The following HMCN1 variants were observed in gnomAD, a reference collection of about 807,000 sequenced individuals.
HMCN1 encodes the protein hemicentin 1.
Under a neutral mutation model 625.9 loss-of-function variants are expected in HMCN1, and 321 were observed. The ratio of observed to expected loss-of-function variants is 0.51; its 90% confidence interval spans 0.47 to 0.56. The LOEUF (loss-of-function observed/expected upper bound fraction) is 0.56. HMCN1 is among the 20% of genes least tolerant of loss of function. HMCN1 has a pLI of 0.00. For synonymous variants in HMCN1, 2,425 were observed against 2,417.6 expected (o/e 1.00, Z -0.09); for missense variants, 6,588 against 6,887.3 (o/e 0.96, Z 1.54).
chr1:186,093,678 T>C lies in HMCN1; in HGVS notation c.10196+9T>C. 1 of 1,613,102 alleles carries C rather than the reference T, an allele frequency of 6.2e-7. No homozygotes were observed. The highest frequency in any genetic ancestry group is 8.5e-7 in the Non-Finnish European group (1 of 1,179,374). On this transcript the variant is annotated intron_variant, in intron 66 of 106. Transcript: ENST00000271588. The stretch of plus-strand genomic sequence containing the variant: ...GCAGGACAAGTTATCAGGTCAGCTT[T>C]TATTGTGTCTGATTTCCTAAACAGA...
chr1:185,923,086 G>A (rs1040159267), intron 7 of HMCN1, among the ~76,000 whole-genome samples: 5 of 151,940 alleles, frequency 3.3e-5, no homozygotes, highest in Admixed American at 3.3e-4. Context: ...TGCATTTTCT[G>A]GAAAGATACA....
In HMCN1 at chr1:186,016,140, G is replaced by C. The variant is rs764296799; in HGVS notation, c.5092G>C (p.Glu1698Gln). The change falls in exon 32 of 107, where the codon GAA (glutamate) becomes CAA (glutamine). Residue 1698 changes from glutamate to glutamine, a missense_variant. Physicochemically the swap from Glu to Gln is conservative, Grantham distance 29. Around this residue, in one of 3 missense-constraint regions of HMCN1, gnomAD observed 4,628 missense variants for 4,853.1 expected, o/e 0.95. Coordinates refer to ENST00000271588, the MANE Select transcript of HMCN1 (RefSeq NM_031935.3). ...CATAGAAGCTGGTGGGAAGAAACTC[G>C]AAATCATGAGTGCCCAAGAAATTGA... ...IRIEAGGKKL[E>Q]IMSAQEIDRG... The C allele has an allele frequency of 1.9e-6, 3 of 1,613,402 alleles. No homozygotes were observed. Among genetic ancestry groups the C allele is most frequent in the Non-Finnish European group, 2.5e-6 (3 of 1,179,548 alleles).
intron 10 of HMCN1, 91 bp from the exon 11 acceptor site, chr1:185,933,458 C>A: frequency 1.6e-6 from 2 of 1,236,948 alleles, no homozygotes; most frequent in Non-Finnish European, 2.4e-6. Context: ...ACTGGATGTT[C>A]AGTACATACT....
At position 186,125,565 on chromosome 1, in the gene HMCN1, C is replaced by T. The variant is rs377662111; in HGVS notation, c.12500-39C>T. The T allele has an allele frequency of 8.0e-6, 12 of 1,498,676 alleles. No homozygotes were observed. The African/African-American group carries it at 9.7e-5, about 12-fold the overall frequency. 92.8% of individuals were successfully genotyped at this position (1,498,676 alleles called of 1,614,324 possible). A position where few individuals can be genotyped will look rare whatever the true frequency, so the allele number is the denominator to read the frequency against. ...TATTGTGAATAAAGACATTATTGAA[C>T]TCAGCTTCCTGGATGACTCTTTTTT... On this transcript the variant is annotated intron_variant, in intron 81 of 106. Coordinates refer to ENST00000271588, the MANE Select transcript of HMCN1 (RefSeq NM_031935.3).
intron 11 of HMCN1, among the ~76,000 whole-genome samples, chr1:185,946,962 T>C (rs1668380097): frequency 6.6e-6 from 1 of 152,230 alleles, no homozygotes; most frequent in Non-Finnish European, 1.5e-5. Context: ...AATCTAGCAC[T>C]TATTTATCAT....
rs1185102259 is a variant in HMCN1, at chr1:186,063,096, A to ATATATATATATG, written c.7513+503_7513+504insATATGTATATAT. Reference sequence around the variant, plus strand: ...TATATATATATATATATATATATATATATATATCACATTTTCATTACCCAA... The same window carrying ATATATATATATG: ...TATATATATATATATATATATATATATATATATATATGTATATATCACATTTTCATTACCCAA... On this transcript the variant is annotated intron_variant, in intron 48 of 106. Transcript: ENST00000271588. Among the ~76,000 whole-genome samples the ATATATATATATG allele has an allele frequency of 2.1e-3, 245 of 115,382 alleles. 14 individuals carry two copies. Among genetic ancestry groups the ATATATATATATG allele is most frequent in the African/African-American group, 7.8e-3 (204 of 26,208 alleles). 75.7% of individuals were successfully genotyped at this position (115,382 alleles called of 152,430 possible).
In HMCN1 at chr1:185,854,850, A is replaced by G. The variant is rs571592917; in HGVS notation, c.339+8754A>G. 3.9e-5 allele frequency among the ~76,000 whole-genome samples: 6 copies of G among 152,312 alleles called. No homozygotes were observed. The East Asian group carries it at 1.2e-3, about 29-fold the overall frequency. ...CCATTTTGCCAAGAGAGGAAATTAC[A>G]CAAGCAGTATAAATATATTTTTACC... is the stretch of plus-strand genomic sequence containing the variant. On this transcript the variant is annotated intron_variant, in intron 2 of 106. Transcript: ENST00000271588.
At chr1:185,862,895 G>T (rs1271820161) in intron 2 of HMCN1, among the ~76,000 whole-genome samples, 1 of 152,152 alleles carries the variant, frequency 6.6e-6, no homozygotes, top group East Asian at 1.9e-4. Flanking sequence ...AACAGCTGAT[G>T]CTCTGTTTCA....
At chr1:185,749,341 G>T (rs1654636587) in intron 1 of HMCN1, among the ~76,000 whole-genome samples, 1 of 152,168 alleles carries the variant, frequency 6.6e-6, no homozygotes, top group Admixed American at 6.5e-5. Flanking sequence ...CAGATTGAAT[G>T]TTTTCTTTTT....
At chr1:186,003,923 T>C (rs1447757386) in intron 29 of HMCN1, 79 bp downstream of exon 29, 51 of 1,352,378 alleles carry the variant, frequency 3.8e-5, no homozygotes, top group South Asian at 4.8e-5. Flanking sequence ...ATTTTCTCCC[T>C]CTTAATTATT....
intron 1 of HMCN1, among the ~76,000 whole-genome samples, chr1:185,801,726 A>T (rs1658808140): frequency 6.6e-6 from 1 of 152,162 alleles, no homozygotes; most frequent in Non-Finnish European, 1.5e-5. Context: ...TAGGGAACGG[A>T]CAGAGAGGAA....
At position 186,070,667 on chromosome 1, in the gene HMCN1, A is replaced by T. The variant is rs544853879; in HGVS notation, c.8049A>T (p.Glu2683Asp). Residue 2683 changes from glutamate to aspartate, a missense_variant, in exon 52 of 107, where the codon GAA becomes GAT. Physicochemically the swap from Glu to Asp is conservative, Grantham distance 45 (BLOSUM62 2). Coordinates refer to ENST00000271588, the MANE Select transcript of HMCN1 (RefSeq NM_031935.3). ...GGGGGCCAGGTCTTTCCCCTAAAGA[A>T]GTGAAGATCAAAGTAAACAACACTC... ...DLWGPGLSPK[E>D]VKIKVNNTLT... 1 of 1,613,514 alleles carries T rather than the reference A, an allele frequency of 6.2e-7. No individual in the cohort carries two copies. The highest frequency in any genetic ancestry group is 8.5e-7 in the Non-Finnish European group (1 of 1,179,438).
At chr1:186,070,508 T>A (rs1393590980) in intron 51 of HMCN1, 104 bp from the exon 52 acceptor site, 7 of 1,015,132 alleles carry the variant, frequency 6.9e-6, no homozygotes, top group Admixed American at 1.8e-5. Flanking sequence ...AATGCCTCTG[T>A]TATTTCCTTG....
chr1:185,749,391 G>GAGGCCA (rs1222907424), intron 1 of HMCN1, among the ~76,000 whole-genome samples: 1 of 152,056 alleles, frequency 6.6e-6, no homozygotes, highest in African/African-American at 2.4e-5. Flanking sequence ...AATACCCAGG[G>GAGGCCA]AGGCCAGGCA....
chr1:186,092,379 A>AT (rs1260701145), intron 64 of HMCN1, among the ~76,000 whole-genome samples: 2 of 151,944 alleles, frequency 1.3e-5, no homozygotes, highest in African/African-American at 4.8e-5. Context: ...AGATAATAAT[A>AT]TAGCTCTCAA....
intron 4 of HMCN1, among the ~76,000 whole-genome samples, chr1:185,869,780 G>A (rs757694237): frequency 7.9e-5 from 12 of 151,848 alleles, no homozygotes; most frequent in East Asian, 1.9e-4. Flanking sequence ...TAAACATTAC[G>A]AACTCTAGGG....
chr1:186,122,963 T>A lies in HMCN1; in HGVS notation c.12242T>A (p.Ile4081Asn). The A allele has an allele frequency of 1.9e-6, 3 of 1,613,910 alleles. No homozygotes were observed. The highest frequency in any genetic ancestry group is 2.5e-6 in the Non-Finnish European group (3 of 1,179,958). ...IKLNVQVPPV[I>N]SPHLKEYVIA... ...TTGTATATTTTAGTTCCTCCAGTCATTAGCCCTCATCTAAAGGAATATGTT... is the reference window on the plus strand; with the variant it reads ...TTGTATATTTTAGTTCCTCCAGTCAATAGCCCTCATCTAAAGGAATATGTT... The change falls in exon 81 of 107, where the codon ATT (isoleucine) becomes AAT (asparagine). Residue 4081 changes from isoleucine (I) to asparagine (N), a missense_variant. Transcript: ENST00000271588.
chr1:185,844,951 T>C (rs909006175), intron 1 of HMCN1, among the ~76,000 whole-genome samples: 2 of 152,252 alleles, frequency 1.3e-5, no homozygotes, highest in African/African-American at 4.8e-5. Flanking sequence ...ATATCTGGGA[T>C]CCTTTTATTC....
chr1:185,981,212 C>T (rs1441116400), intron 17 of HMCN1, 139 bp downstream of exon 17: 11 of 669,332 alleles, frequency 1.6e-5, no homozygotes, highest in Admixed American at 4.3e-5. Flanking sequence ...CCTTCCCTGC[C>T]ACACTTCATA....
Sources: allele counts gnomAD v4.1 joint callset (sites outside exome capture counted in the v4.1 genomes callset), GRCh38; gene constraint gnomAD v4.1.1; regional missense constraint gnomAD v4.1.1; transcripts MANE v1.5; gene names NCBI Gene and HGNC (gene_info 2026-07-23, HGNC 2026-07-21).